FBXO34: variants seen among roughly 807,000 people sequenced by gnomAD.
The protein encoded by FBXO34 is F-box only protein 34.
FBXO34 carries 12 observed loss-of-function variants against 24.5 expected under a neutral mutation model. The ratio of observed to expected loss-of-function variants is 0.49; its 90% CI spans 0.31 to 0.79. The LOEUF (loss-of-function observed/expected upper bound fraction) is 0.79, where lower values mean the gene tolerates loss of function less well. Ranked by LOEUF, FBXO34 falls within the 30% of genes least tolerant of loss-of-function variation. FBXO34 has a pLI of 0.04. For synonymous variants in FBXO34, 320 were observed against 311.9 expected, an observed-to-expected ratio of 1.03 and a Z score of -0.27; for missense variants, 823 against 857.7, an observed-to-expected ratio of 0.96 and a Z score of 0.51.
At chr14:55,301,379 G>A (rs1341405525) in intron 1 of FBXO34, among the ~76,000 whole-genome samples, 1 of 151,908 alleles carries the variant, frequency 6.6e-6, no homozygotes, top group African/African-American at 2.4e-5. Context: ...CAAGGCTCCA[G>A]TGAACTGTGA....
chr14:55,322,527 G>A (rs923114226), intron 1 of FBXO34, among the ~76,000 whole-genome samples: 1 of 151,992 alleles, frequency 6.6e-6, no homozygotes, highest in Admixed American at 6.5e-5. Context: ...GATGAGACGG[G>A]GTCTCGCTCT....
At chr14:55,413,983 G>C in the FBXO34 span, 1 of 519,040 alleles carries the variant, frequency 1.9e-6, no homozygotes, top group South Asian at 1.4e-5. Flanking sequence ...TGTGGCCAAA[G>C]GAACAACTCC....
At chr14:55,346,023 T>A (rs1392388100) in intron 1 of FBXO34, among the ~76,000 whole-genome samples, 1 of 152,042 alleles carries the variant, frequency 6.6e-6, no homozygotes, top group African/African-American at 2.4e-5. Context: ...CGAAATTAAA[T>A]AAATAAAAAA....
At chr14:55,361,440 G>A (rs1457809456) in intron 3 of FBXO34, among the ~76,000 whole-genome samples, 8 of 152,192 alleles carry the variant, frequency 5.3e-5, no homozygotes, top group Non-Finnish European at 1.5e-5. Flanking sequence ...AGTAGATTTA[G>A]CATAATTCTT....
chr14:55,275,842 C>T (rs1216283483), intron 1 of FBXO34, among the ~76,000 whole-genome samples: 3 of 109,782 alleles, frequency 2.7e-5, no homozygotes, highest in Admixed American at 8.6e-5. Context: ...AAAAAAAAAA[C>T]GAGGATAAAC....
intron 1 of FBXO34, among the ~76,000 whole-genome samples, chr14:55,304,447 G>T (rs1458409468): frequency 6.6e-6 from 1 of 152,008 alleles, no homozygotes; most frequent in African/African-American, 2.4e-5. Context: ...TCCCTCTTCA[G>T]CCTCAGAATG....
intron 1 of FBXO34, among the ~76,000 whole-genome samples, chr14:55,349,608 T>TTTTC (rs1555339673): frequency 4.9e-5 from 2 of 40,718 alleles, no homozygotes; most frequent in African/African-American, 1.5e-3. Flanking sequence ...AATAATTTTC[T>TTTTC]TTTTTTTTTT....
At chr14:55,376,882 G>C in the FBXO34 span, among the ~76,000 whole-genome samples, 2 of 152,160 alleles carry the variant, frequency 1.3e-5, no homozygotes, top group African/African-American at 2.4e-5. Context: ...GCTAAGGCTC[G>C]TACAGTACAT....
chr14:55,350,242 A>G, intron 1 of FBXO34, 139 bp from the exon 2 acceptor site: 1 of 540,890 alleles, frequency 1.8e-6, no homozygotes, highest in Non-Finnish European at 3.1e-6. Flanking sequence ...AACTATCATG[A>G]GAGAGTTGGT....
chr14:55,346,685 A>G (rs575620393), intron 1 of FBXO34, among the ~76,000 whole-genome samples: 1 of 152,290 alleles, frequency 6.6e-6, no homozygotes, highest in East Asian at 1.9e-4. Flanking sequence ...GTCTATGTCA[A>G]AGAAACTGAG....
At chr14:55,281,562 T>C (rs1238230647) in intron 1 of FBXO34, among the ~76,000 whole-genome samples, 1 of 152,212 alleles carries the variant, frequency 6.6e-6, no homozygotes, top group Admixed American at 6.5e-5. Flanking sequence ...CTCTTCATTT[T>C]CTGGGACTCC....
At chr14:55,316,496 G>C (rs142759249) in intron 1 of FBXO34, among the ~76,000 whole-genome samples, 1 of 151,784 alleles carries the variant, frequency 6.6e-6, no homozygotes, top group East Asian at 1.9e-4. Flanking sequence ...GGAGGTAGAG[G>C]TGGGTGAATC....
At chr14:55,421,128 T>C in the FBXO34 span, among the ~76,000 whole-genome samples, 1 of 151,808 alleles carries the variant, frequency 6.6e-6, no homozygotes. Flanking sequence ...ATTAAGGGCA[T>C]TTAAAGAAAT....
chr14:55,298,801 C>T, intron 1 of FBXO34: 2 of 1,609,918 alleles, frequency 1.2e-6, no homozygotes, highest in Non-Finnish European at 1.7e-6. Context: ...AAGCCCGCGG[C>T]CCTCCAGGCA....
the FBXO34 span, among the ~76,000 whole-genome samples, chr14:55,375,546 G>A: frequency 2.7e-5 from 3 of 109,722 alleles, no homozygotes; most frequent in African/African-American, 1.0e-4. Flanking sequence ...GTCTCACTAT[G>A]TTGCCCAGGC....
At chr14:55,384,780 G>C in the FBXO34 span, among the ~76,000 whole-genome samples, 1 of 152,192 alleles carries the variant, frequency 6.6e-6, no homozygotes, top group African/African-American at 2.4e-5. Context: ...AGAAGAGACA[G>C]GAAAATCCTC....
the FBXO34 span, among the ~76,000 whole-genome samples, chr14:55,379,684 T>C: frequency 6.6e-6 from 1 of 152,234 alleles, no homozygotes; most frequent in Non-Finnish European, 1.5e-5. Context: ...AGGAAGATTG[T>C]AGTGCAAACT....
intron 1 of FBXO34, among the ~76,000 whole-genome samples, chr14:55,320,472 C>T (rs1259017913): frequency 6.6e-6 from 1 of 152,146 alleles, no homozygotes; most frequent in African/African-American, 2.4e-5. Flanking sequence ...TAAGTTTTGG[C>T]CAGGTGTGGT....
At chr14:55,403,721 G>A in the FBXO34 span, among the ~76,000 whole-genome samples, 1 of 152,106 alleles carries the variant, frequency 6.6e-6, no homozygotes, top group Non-Finnish European at 1.5e-5. Context: ...AGTATGTATT[G>A]TGTGATCCCA....
Sources: allele counts gnomAD v4.1 joint callset (sites outside exome capture counted in the v4.1 genomes callset), GRCh38; gene constraint gnomAD v4.1.1; transcripts MANE v1.5; gene names NCBI Gene and HGNC (gene_info 2026-07-23, HGNC 2026-07-21).